Variants in LAMB4 observed in about 807,000 individuals in gnomAD.
LAMB4 encodes the protein laminin subunit beta-4.
A neutral mutation model predicts 199.2 loss-of-function variants in LAMB4; 196 were observed. The observed-to-expected ratio is 0.98, with a 90% CI of 0.88 to 1.11. LAMB4 has a LOEUF of 1.11. LAMB4 is among the 50% of genes least tolerant of loss of function. LAMB4 has a pLI of 0.00. For missense variants in LAMB4, 2,080 were observed against 2,171.2 expected, an observed-to-expected ratio of 0.96 and a Z score of 0.83; for synonymous variants, 744 against 770.6, an observed-to-expected ratio of 0.97 and a Z score of 0.57.
chr7:108,111,123 G>A (rs1231645728), intron 4 of LAMB4, among the ~76,000 whole-genome samples: 2 of 152,166 alleles, frequency 1.3e-5, no homozygotes, highest in African/African-American at 4.8e-5. Context: ...ATCAAGAGTA[G>A]GCAAGCCTGC....
At chr7:108,091,153 C>T (rs565926263) in intron 14 of LAMB4, among the ~76,000 whole-genome samples, 1 of 151,744 alleles carries the variant, frequency 6.6e-6, no homozygotes, top group African/African-American at 2.4e-5. Flanking sequence ...TGAGAACCTT[C>T]TATACTTTCG....
chr7:108,110,494 G>A (rs571408370), intron 4 of LAMB4, among the ~76,000 whole-genome samples: 2 of 152,312 alleles, frequency 1.3e-5, no homozygotes, highest in East Asian at 1.9e-4. Context: ...CAGTGAATCG[G>A]GGTTCAGCCT....
rs1270232566 is a variant in LAMB4, at chr7:108,104,529, C to T, written c.961G>A (p.Ala321Thr). Residue 321 changes from alanine to threonine, a missense_variant, in exon 9 of 34, where the codon GCT (alanine) becomes ACT (threonine). Physicochemically the swap from Ala to Thr is moderately conservative, Grantham distance 58. Coordinates refer to ENST00000388781, the MANE Select transcript of LAMB4 (RefSeq NM_007356.3). The stretch of plus-strand genomic sequence containing the variant: ...CAAGCGTTGTCCTGGAGGTCTGCAG[C>T]TGGCCTCCAAGGAGCATCCTGGAAG... ...DFFQDAPWRP[A>T]ADLQDNACRS... 1 of 1,614,244 alleles carries T rather than the reference C, an allele frequency of 6.2e-7. No individual in the cohort carries two copies. The highest frequency in any genetic ancestry group is 2.2e-5 in the East Asian group (1 of 44,892).
At chr7:108,047,458 T>C (rs902299028) in intron 28 of LAMB4, among the ~76,000 whole-genome samples, 1 of 152,326 alleles carries the variant, frequency 6.6e-6, no homozygotes, top group Non-Finnish European at 1.5e-5. Context: ...CTCTTCCTGA[T>C]GATTTTTCTG....
At chr7:108,096,939 C>CAAAAAAAAAAAAAAAAAAAA (rs746917278) in intron 11 of LAMB4, among the ~76,000 whole-genome samples, 1 of 52,822 alleles carries the variant, frequency 1.9e-5, no homozygotes, top group Non-Finnish European at 3.3e-5. Context: ...CTGTCTCTCT[C>CAAAAAAAAAAAAAAAAAAAA]AAAAAAAAAA....
At chr7:108,103,836 ATTCCCCGGTC>A (rs2037902780) in intron 9 of LAMB4, among the ~76,000 whole-genome samples, 1 of 152,186 alleles carries the variant, frequency 6.6e-6, no homozygotes, top group Non-Finnish European at 1.5e-5. Flanking sequence ...CAGGCTGCAT[ATTCCCCGGTC>A]TTGTATACTG....
intron 14 of LAMB4, among the ~76,000 whole-genome samples, chr7:108,091,029 A>C (rs143607220): frequency 1.1e-4 from 16 of 152,074 alleles, no homozygotes; most frequent in African/African-American, 3.1e-4. Flanking sequence ...TTCTTTATCT[A>C]TCCAAATCCT....
chr7:108,096,939 C>CAAAAAAAAAA (rs746917278), intron 11 of LAMB4, among the ~76,000 whole-genome samples: 1 of 52,834 alleles, frequency 1.9e-5, no homozygotes, highest in Non-Finnish European at 3.3e-5. Context: ...CTGTCTCTCT[C>CAAAAAAAAAA]AAAAAAAAAA....
rs762066965 is a variant in LAMB4 at position 108,063,831 on chromosome 7, G to A, written c.2991C>T (p.Asn997=). 2 of 1,614,226 alleles carry A rather than the reference G, an allele frequency of 1.2e-6. No homozygotes were observed. Among genetic ancestry groups the A allele is most frequent in the Non-Finnish European group, 1.7e-6 (2 of 1,180,032 alleles). The stretch of plus-strand genomic sequence containing the variant: ...AGAGCTGGCAGTTTGCGCCCTGAGT[G>A]TTGTGCAAACATCGAAGGCACTCCC... The part of the protein sequence containing the change: ...VTGECLRCLH[N]TQGANCQLCK... The change falls in exon 22 of 34, where the codon AAC becomes AAT. Residue 997 remains asparagine, a synonymous_variant. Coordinates refer to ENST00000388781, the MANE Select transcript of LAMB4 (RefSeq NM_007356.3).
At position 108,029,155 on chromosome 7, in the gene LAMB4, A is replaced by T; in HGVS notation, c.5034T>A (p.Arg1678=). The T allele has an allele frequency of 6.2e-7, 1 of 1,613,452 alleles. No individual in the cohort carries two copies. The change falls in exon 33 of 34, where the codon CGT becomes CGA. Residue 1678 remains arginine (R), a synonymous_variant. Coordinates refer to ENST00000388781, the MANE Select transcript of LAMB4 (RefSeq NM_007356.3). ...ELKKQYAILQ[R]KTSTTGLTKE... is the part of the protein sequence containing the mutation. ...TTGTTAGTCCTGTAGTGCTTGTCTT[A>T]CGTTGGAGAATAGCATATTGTTTTT...
chr7:108,060,383 T>C (rs773689283), intron 23 of LAMB4, among the ~76,000 whole-genome samples: 1 of 151,876 alleles, frequency 6.6e-6, no homozygotes, highest in Non-Finnish European at 1.5e-5. Flanking sequence ...CACGTGGAGA[T>C]CTACCACTTT....
rs181613099 is a variant in LAMB4, at chr7:108,121,118, A to G, written c.34+2013T>C. Among the ~76,000 whole-genome samples, 285 of 152,356 alleles carry G rather than the reference A, an allele frequency of 1.9e-3. 1 individual carries two copies. The highest frequency in any genetic ancestry group is 5.8e-3 in the African/African-American group (243 of 41,594). ...GTTGGAATTAATTCAGAAAATAAAC[A>G]TGTTTATGTCTTTTGACAATCAACA... On this transcript the variant is annotated intron_variant, in intron 2 of 33. Coordinates refer to ENST00000388781, the MANE Select transcript of LAMB4 (RefSeq NM_007356.3).
At position 108,069,722 on chromosome 7, in the gene LAMB4, T is replaced by G. The variant is rs1038273212; in HGVS notation, c.2288A>C (p.His763Pro). 1.9e-6 allele frequency: 3 copies of G among 1,613,622 alleles called. No individual in the cohort carries two copies. Among genetic ancestry groups the G allele is most frequent in the Non-Finnish European group, 2.5e-6 (3 of 1,179,714 alleles). Residue 763 changes from histidine to proline, a missense_variant, in exon 18 of 34, where the codon CAT becomes CCT. By Grantham distance (77) the His-to-Pro change is moderately conservative. Transcript: ENST00000388781. ...CAGATACTTACCCACAGCCCCATCA[T>G]GCAGCTTGGCAGACATGCTGATGAT... ...RLIISMSAKL[H>P]DGAVACKCHP... is the part of the protein sequence containing the mutation.
At chr7:108,022,268 G>A (rs548503753), downstream of LAMB4, among the ~76,000 whole-genome samples, 1 of 152,252 alleles carries the variant, frequency 6.6e-6, no homozygotes, top group Admixed American at 6.5e-5. Context: ...AAATCCTAAC[G>A]TTTAATTGGT....
At chr7:108,128,140 G>A (rs112479573) in intron 1 of LAMB4, among the ~76,000 whole-genome samples, 12 of 152,166 alleles carry the variant, frequency 7.9e-5, no homozygotes, top group African/African-American at 2.9e-4. Flanking sequence ...TAGAGGGAGG[G>A]TGCTCAGTGA....
chr7:108,019,440 A>C (rs79278228), downstream of LAMB4, among the ~76,000 whole-genome samples: 455 of 152,188 alleles, frequency 3.0e-3, 3 homozygotes, highest in African/African-American at 0.011. Context: ...CAGTTGATGA[A>C]GACCTTCATT....
At chr7:108,036,887 T>TGAAAATAATGGC (rs1340792222) in intron 30 of LAMB4, among the ~76,000 whole-genome samples, 4 of 148,862 alleles carry the variant, frequency 2.7e-5, no homozygotes, top group African/African-American at 9.9e-5. Context: ...TTTTTGCCAT[T>TGAAAATAATGGC]ATTTTCAATG....
chr7:108,058,614 G>A (rs2036060981), intron 23 of LAMB4, among the ~76,000 whole-genome samples: 1 of 152,176 alleles, frequency 6.6e-6, no homozygotes, highest in African/African-American at 2.4e-5. Context: ...TGAATAAGTG[G>A]CTAGATTCTT....
intron 1 of LAMB4, among the ~76,000 whole-genome samples, chr7:108,129,249 G>A (rs766597671): frequency 2.0e-5 from 3 of 152,106 alleles, no homozygotes; most frequent in Admixed American, 2.0e-4. Flanking sequence ...GAGCCTCTCC[G>A]CAGGAAAGAC....
Sources: gnomAD v4.1 joint callset for allele counts (sites outside exome capture counted in the v4.1 genomes callset) on GRCh38, gnomAD v4.1.1 for gene constraint, MANE v1.5 for transcripts, NCBI Gene and HGNC (gene_info 2026-07-23, HGNC 2026-07-21) for gene names.